The following PCBP3 variants were observed in gnomAD, a reference collection of about 807,000 sequenced individuals.
PCBP3 encodes poly(rC) binding protein 3, also known as poly(rC)-binding protein 3.
PCBP3 carries 25 observed loss-of-function variants against 52.7 expected under a neutral mutation model. That is an observed-to-expected ratio of 0.47 (90% CI 0.35 to 0.66). PCBP3 has a LOEUF of 0.66. Among genes scored for constraint, PCBP3 ranks in the 30% least tolerant of loss-of-function variants. The pLI is 0.01. For missense variants in PCBP3, 391 were observed against 490.3 expected (o/e 0.80, Z 1.91); for synonymous variants, 162 against 183.0 (o/e 0.89, Z 0.93).
Position 45,837,781 on chromosome 21 carries a change from C to T in PCBP3, c.-125-12180C>T, listed in dbSNP as rs930903198. 3.3e-5 allele frequency among the ~76,000 whole-genome samples: 5 copies of T among 152,334 alleles called. No individual in the cohort carries two copies. In the South Asian group the frequency reaches 8.3e-4, roughly 25 times the overall value. The stretch of plus-strand genomic sequence containing the variant: ...TGATGAGGCGTGTGGTCTGGCCGCT[C>T]CTTCACTGGTGCTGAGACTGAGGAT... On this transcript the variant is annotated intron_variant, in intron 4 of 17. Transcript: ENST00000681687. This position sits in a 1 kb window ranked among gnomAD's most constrained non-coding sequence, Gnocchi z 4.1.
intron 4 of PCBP3, 42 bp from the exon 5 acceptor site, chr21:45,849,919 T>G: frequency 1.5e-6 from 1 of 668,966 alleles, no homozygotes; most frequent in Admixed American, 2.2e-5. Flanking sequence ...GGAGAGGCCC[T>G]GCACTGGTGC....
At chr21:45,907,419 G>A (rs2096238963) in intron 9 of PCBP3, among the ~76,000 whole-genome samples, 1 of 152,210 alleles carries the variant, frequency 6.6e-6, no homozygotes, top group South Asian at 2.1e-4. Context: ...ACCTCGAAGG[G>A]TAGAGACAGT....
chr21:45,850,163 AC>A, intron 5 of PCBP3, 68 bp downstream of exon 5: 1 of 1,285,096 alleles, frequency 7.8e-7, no homozygotes. Flanking sequence ...AGTCAGACTT[AC>A]CCTTGACAAA....
rs577388657 is a variant in PCBP3 at position 45,747,554 on chromosome 21, G to A, written c.-161-7863G>A. On this transcript the variant is annotated intron_variant, in intron 3 of 17. Transcript: ENST00000681687. ...CAAGACCCAGGGCCTGCGGGGATGG[G>A]CAGCACTATTTCACTGTGGAAATGC... is the stretch of plus-strand genomic sequence containing the variant. Among the ~76,000 whole-genome samples the A allele has an allele frequency of 8.5e-5, 13 of 152,354 alleles. No homozygotes were observed. In the East Asian group the frequency reaches 2.3e-3, roughly 27 times the overall value.
chr21:45,790,336 C>A (rs547582356), intron 4 of PCBP3, among the ~76,000 whole-genome samples: 2 of 152,016 alleles, frequency 1.3e-5, no homozygotes, highest in African/African-American at 4.8e-5. Flanking sequence ...GAGGTGACTG[C>A]GGGGCTCTAG....
chr21:45,905,172 G>A lies in PCBP3; in HGVS notation c.339+4059G>A, dbSNP rs144621442. 4.4e-3 allele frequency among the ~76,000 whole-genome samples: 674 copies of A among 152,268 alleles called. 6 individuals are homozygous for A. The highest frequency in any genetic ancestry group is 0.016 in the African/African-American group (650 of 41,548). ...GCTTGCCTCCAGAGATCCAAACTTC[G>A]AGGCTTAGCTGGAGTCAAGCTGTGG... On this transcript the variant is annotated intron_variant, in intron 9 of 17. Transcript: ENST00000681687.
chr21:45,753,300 A>G (rs1215724344), intron 3 of PCBP3, among the ~76,000 whole-genome samples: 1 of 151,950 alleles, frequency 6.6e-6, no homozygotes, highest in East Asian at 1.9e-4. Context: ...TTATTATGGT[A>G]TCTTGCTAAT....
At chr21:45,795,315 C>T (rs201866447) in intron 4 of PCBP3, among the ~76,000 whole-genome samples, 11 of 145,492 alleles carry the variant, frequency 7.6e-5, no homozygotes, top group East Asian at 2.0e-4. Flanking sequence ...TCTTCTTTTT[C>T]TTTTTTTTTT....
intron 4 of PCBP3, among the ~76,000 whole-genome samples, chr21:45,777,868 C>T (rs2090364082): frequency 1.3e-5 from 2 of 151,230 alleles, no homozygotes; most frequent in South Asian, 2.1e-4. Context: ...ACTGAGCTTC[C>T]TTAAAATCAA....
chr21:45,829,838 T>C lies in PCBP3; in HGVS notation c.-125-20123T>C, dbSNP rs759398247. The C allele has an allele frequency of 6.6e-6, 1 of 152,594 alleles. No homozygotes were observed. The highest frequency in any genetic ancestry group is 1.5e-5 in the Non-Finnish European group (1 of 68,100). The allele number at this position is 152,594 out of a possible 1,614,324, so 9.5% of individuals were successfully genotyped here. A position where few individuals can be genotyped will look rare whatever the true frequency, so the allele number is the denominator to read the frequency against. On this transcript the variant is annotated intron_variant, in intron 4 of 17. Coordinates refer to ENST00000681687, the MANE Select transcript of PCBP3 (RefSeq NM_001384156.1). The surrounding 1 kb of genome is among the most constrained non-coding windows in gnomAD (Gnocchi z 5.2). ...AGGCCTGGTTCCCCTGACATTCTGC[T>C]GCCAGGAAGATGCAGCTCTAGGGCA...
chr21:45,929,669 G>A (rs1250636009), intron 13 of PCBP3, among the ~76,000 whole-genome samples: 13 of 152,192 alleles, frequency 8.5e-5, no homozygotes, highest in African/African-American at 1.7e-4. Flanking sequence ...TGGAGCTGCC[G>A]GGGAGCCAGG....
chr21:45,834,275 G>A (rs1012154672), intron 4 of PCBP3, among the ~76,000 whole-genome samples: 10 of 152,240 alleles, frequency 6.6e-5, no homozygotes, highest in Admixed American at 1.3e-4. Context: ...GCAGTGTCGT[G>A]TCCTGTCACC....
chr21:45,872,836 A>C (rs899386472), intron 5 of PCBP3: 1 of 152,240 alleles, frequency 6.6e-6, no homozygotes, highest in African/African-American at 2.4e-5. Context: ...TTATGTTGAC[A>C]GAATTTGTGA....
chr21:45,786,806 G>A (rs1177940651), intron 4 of PCBP3, among the ~76,000 whole-genome samples: 2 of 152,198 alleles, frequency 1.3e-5, no homozygotes, highest in Non-Finnish European at 2.9e-5. Context: ...CACCATGACT[G>A]CTCCTAGGAA....
intron 4 of PCBP3, among the ~76,000 whole-genome samples, chr21:45,773,337 G>A (rs2090021605): frequency 6.6e-6 from 1 of 152,070 alleles, no homozygotes; most frequent in Non-Finnish European, 1.5e-5. Context: ...AGATAAGGTC[G>A]AATTTTATTC....
At chr21:45,697,617 C>T (rs2082863202) in intron 2 of PCBP3, among the ~76,000 whole-genome samples, 1 of 151,868 alleles carries the variant, frequency 6.6e-6, no homozygotes, top group African/African-American at 2.4e-5. Flanking sequence ...TAGGTGTGCA[C>T]ACCTGTGGTC....
At position 45,941,597 on chromosome 21, in the gene PCBP3, G is replaced by A. The variant is rs908174797; in HGVS notation, c.1080-73G>A. ...AGCGAGCACAGAGGCCACACAGCCC[G>A]GCCTCACGTCTGCCCACTGATGAGG... On this transcript the variant is annotated intron_variant, in intron 17 of 17. Transcript: ENST00000681687. 10 of 1,398,882 alleles carry A rather than the reference G, an allele frequency of 7.1e-6. No homozygotes were observed. The African/African-American group carries it at 7.2e-5, about 10-fold the overall frequency. 86.7% of individuals were successfully genotyped at this position (1,398,882 alleles called of 1,614,324 possible). A position where few individuals can be genotyped will look rare whatever the true frequency, so the allele number is the denominator to read the frequency against.
rs1022411274 is a variant in PCBP3 at position 45,827,346 on chromosome 21, G to A, written c.-125-22615G>A. ...AAGAAGATCTGGACATGATCATCACGTCACATCACATGGCCAGGTTTCAAC... is the reference window on the plus strand; with the variant it reads ...AAGAAGATCTGGACATGATCATCACATCACATCACATGGCCAGGTTTCAAC... On this transcript the variant is annotated intron_variant, in intron 4 of 17. Coordinates refer to ENST00000681687, the MANE Select transcript of PCBP3 (RefSeq NM_001384156.1). The surrounding 1 kb of genome is among the most constrained non-coding windows in gnomAD (Gnocchi z 4.3). Among the ~76,000 whole-genome samples the A allele has an allele frequency of 2.6e-5, 4 of 152,138 alleles. No homozygotes were observed. Among genetic ancestry groups the A allele is most frequent in the African/African-American group, 2.4e-5 (1 of 41,430 alleles).
rs200486523 is a variant in PCBP3, at chr21:45,910,886, T to C, written c.472-16T>C. 10,657 of 1,587,002 alleles carry C rather than the reference T, an allele frequency of 6.7e-3. 41 individuals are homozygous for C. The highest frequency in any genetic ancestry group is 8.3e-3 in the Non-Finnish European group (9,705 of 1,166,816). On this transcript the variant is annotated splice_polypyrimidine_tract_variant and intron_variant, in intron 10 of 17. Transcript: ENST00000681687. ...CTGCTACCCTGGTGCTCCCTTCCAA[T>C]GTCCCCTCTCTCCAGTCCACAGGTG...
Sources: allele counts gnomAD v4.1 joint callset (sites outside exome capture counted in the v4.1 genomes callset), GRCh38; gene constraint gnomAD v4.1.1; non-coding constraint Gnocchi (gnomAD v3.1); transcripts MANE v1.5; gene names NCBI Gene and HGNC (gene_info 2026-07-23, HGNC 2026-07-21).